Variants in CASP4 observed in about 807,000 individuals in gnomAD.
CASP4 encodes caspase 4.
In CASP4, 29 loss-of-function variants were observed where a neutral mutation model predicts 41.3. The ratio of observed to expected loss-of-function variants is 0.70; its 90% CI spans 0.52 to 0.96. The LOEUF (loss-of-function observed/expected upper bound fraction) is 0.96, where lower values mean the gene tolerates loss of function less well. Ranked by LOEUF, CASP4 falls within the 40% of genes least tolerant of loss-of-function variation. CASP4 has a pLI of 0.00. For synonymous variants in CASP4, 185 were observed against 158.4 expected (o/e 1.17, Z -1.26); for missense variants, 447 against 460.6 (o/e 0.97, Z 0.27).
chr11:104,952,075 G>A lies in CASP4; in HGVS notation c.263-70C>T, dbSNP rs925064677. 18 of 898,254 alleles carry A rather than the reference G, an allele frequency of 2.0e-5. No individual in the cohort carries two copies. In the East Asian group the frequency reaches 2.4e-4, roughly 12 times the overall value. 55.6% of individuals were successfully genotyped at this position (898,254 alleles called of 1,614,324 possible). On this transcript the variant is annotated intron_variant, in intron 2 of 8. Coordinates refer to ENST00000444739, the MANE Select transcript of CASP4 (RefSeq NM_001225.4). ...ACCCAATTTATCACCTAAGAAGATC[G>A]AGAGAGAAGACGTCCTGGGAAGATT...
Position 104,954,889 on chromosome 11 carries a change from C to G in CASP4, c.120G>C (p.Glu40Asp). The G allele has an allele frequency of 6.2e-7, 1 of 1,613,732 alleles. No individual in the cohort carries two copies. The highest frequency in any genetic ancestry group is 1.7e-5 in the Admixed American group (1 of 59,938). Residue 40 changes from glutamate (E) to aspartate (D), a missense_variant, in exon 2 of 9, where the codon GAG (glutamate) becomes GAC (aspartate). Transcript: ENST00000444739. ...VEQNVLNWKE[E>D]EKKKYYDAKT... ...TAGCATCGTAATATTTCTTTTTTTC[C>G]TCTTCCTTCCAGTTCAGTACATTTT...
chr11:104,954,648 A>G, intron 2 of CASP4, 99 bp downstream of exon 2: 3 of 1,083,964 alleles, frequency 2.8e-6, no homozygotes, highest in Non-Finnish European at 4.1e-6. Context: ...TAGTTTAGGA[A>G]GGGAAAGATA....
intron 1 of CASP4, among the ~76,000 whole-genome samples, chr11:104,963,701 A>G (rs750841610): frequency 6.6e-6 from 1 of 152,198 alleles, no homozygotes; most frequent in Non-Finnish European, 1.5e-5. Context: ...TGAGACTTCC[A>G]TGGGGGATGG....
intron 2 of CASP4, among the ~76,000 whole-genome samples, chr11:104,953,044 T>C (rs1860653305): frequency 6.6e-6 from 1 of 152,170 alleles, no homozygotes; most frequent in South Asian, 2.1e-4. Context: ...CTAATGATCA[T>C]TATGTGTGTG....
chr11:104,951,755 T>C (rs369430708), intron 3 of CASP4, 141 bp downstream of exon 3: 2 of 695,766 alleles, frequency 2.9e-6, no homozygotes, highest in Middle Eastern at 2.3e-4. Context: ...AGTCACATAA[T>C]CTTTCCCTTA....
At chr11:104,954,651 G>A in intron 2 of CASP4, 96 bp downstream of exon 2, 5 of 1,123,726 alleles carry the variant, frequency 4.4e-6, no homozygotes, top group Non-Finnish European at 6.5e-6. Context: ...TTTAGGAAGG[G>A]AAAGATAGGG....
rs1041423399 is a variant in CASP4, at chr11:104,952,099, T to C, written c.263-94A>G. The C allele has an allele frequency of 3.8e-5, 28 of 730,100 alleles. No homozygotes were observed. The African/African-American group carries it at 4.7e-4, about 12-fold the overall frequency. The allele number at this position is 730,100 out of a possible 1,614,324, so 45.2% of individuals were successfully genotyped here. On this transcript the variant is annotated intron_variant, in intron 2 of 8. Transcript: ENST00000444739. The stretch of plus-strand genomic sequence containing the variant: ...CGAGAGAGAAGACGTCCTGGGAAGA[T>C]TTCTTCACATATAGGGGTTTTAGTT...
chr11:104,948,749 C>G (rs1478989998), intron 5 of CASP4, 73 bp from the exon 6 acceptor site: 3 of 1,396,774 alleles, frequency 2.1e-6, no homozygotes, highest in Non-Finnish European at 1.9e-6. Flanking sequence ...CCACCTTGTT[C>G]TTTTTGAATG....
intron 1 of CASP4, among the ~76,000 whole-genome samples, chr11:104,955,343 A>T (rs1860713783): frequency 1.3e-5 from 2 of 151,818 alleles, no homozygotes; most frequent in Admixed American, 1.3e-4. Flanking sequence ...AGTGATAATG[A>T]TCTGCCTAAA....
At chr11:104,944,292 C>G (rs1203426832) in intron 8 of CASP4, 1 of 160,748 alleles carries the variant, frequency 6.2e-6, no homozygotes, top group Non-Finnish European at 1.4e-5. Context: ...GAGTTAGCTC[C>G]TTTGTTTACT....
At chr11:104,959,266 A>G (rs1860806957) in intron 1 of CASP4, among the ~76,000 whole-genome samples, 1 of 152,192 alleles carries the variant, frequency 6.6e-6, no homozygotes, top group Non-Finnish European at 1.5e-5. Flanking sequence ...AAATGGAAGT[A>G]AATCCTATCG....
Position 104,951,067 on chromosome 11 carries a change from G to T in CASP4, c.404C>A (p.Thr135Lys), listed in dbSNP as rs1298950524. The change falls in exon 4 of 9, where the codon ACA becomes AAA. Residue 135 changes from threonine to lysine, a missense_variant. Transcript: ENST00000444739. ...IYPIKERNNR[T>K]RLALIICNTE... ...ATTGCATATGATGAGAGCCAGGCGT[G>T]TGCGGTTGTTTCTCTCCTTTATTGG... 1.2e-6 allele frequency: 2 copies of T among 1,613,076 alleles called. No homozygotes were observed. The highest frequency in any genetic ancestry group is 2.7e-5 in the African/African-American group (2 of 74,828).
In CASP4 at chr11:104,949,608, T is replaced by C; in HGVS notation, c.716A>G (p.Asn239Ser). 1 of 1,613,922 alleles carries C rather than the reference T, an allele frequency of 6.2e-7. No individual in the cohort carries two copies. ...CTTCAGACTGAGGCAGTTGCGGTTG[T>C]TGAATATCTGGAAGATGGTGTCATA... ...LLYDTIFQIF[N>S]NRNCLSLKDK... is the part of the protein sequence containing the mutation. Residue 239 changes from asparagine to serine, a missense_variant, in exon 5 of 9, where the codon AAC (asparagine) becomes AGC (serine). Physicochemically the swap from Asn to Ser is conservative, Grantham distance 46 (BLOSUM62 1). Coordinates refer to ENST00000444739, the MANE Select transcript of CASP4 (RefSeq NM_001225.4).
chr11:104,949,730 C>A lies in CASP4; in HGVS notation c.594G>T (p.Lys198Asn), dbSNP rs1346937803. The A allele has an allele frequency of 6.2e-7, 1 of 1,613,912 alleles. No individual in the cohort carries two copies. Among genetic ancestry groups the A allele is most frequent in the South Asian group, 1.1e-5 (1 of 91,084 alleles). Residue 198 changes from lysine (K) to asparagine (N), a missense_variant, in exon 5 of 9, where the codon AAG (lysine) becomes AAT (asparagine). Physicochemically the swap from Lys to Asn is moderately conservative, Grantham distance 94. Transcript: ENST00000444739. ...LRAFATRPEH[K>N]SSDSTFLVLM... is the part of the protein sequence containing the mutation. ...GTACCAAGAATGTGCTGTCAGAGGA[C>A]TTGTGCTCTGGTCTGGTAGCAAATG...
intron 3 of CASP4, 61 bp from the exon 4 acceptor site, chr11:104,951,159 G>T: frequency 1.4e-6 from 2 of 1,466,738 alleles, no homozygotes; most frequent in Non-Finnish European, 1.9e-6. Context: ...GCCTCCTTAT[G>T]CCTATCAGTG....
chr11:104,952,035 A>T (rs1222250029), intron 2 of CASP4, 30 bp from the exon 3 acceptor site: 2 of 1,410,096 alleles, frequency 1.4e-6, no homozygotes, highest in East Asian at 4.6e-5. Flanking sequence ...ATAAATTGTG[A>T]TTTCTGCCTC....
chr11:104,942,994 A>G (rs1014773201), intron 8 of CASP4, 21 bp from the exon 9 acceptor site: 6 of 454,440 alleles, frequency 1.3e-5, no homozygotes, highest in African/African-American at 1.2e-4. Context: ...GAGAAAAAAC[A>G]GAAGGTCAAG....
At chr11:104,944,503 C>T in intron 8 of CASP4, 1 of 421,874 alleles carries the variant, frequency 2.4e-6, no homozygotes, top group Non-Finnish European at 4.3e-6. Flanking sequence ...GGTTTTTCAT[C>T]ATCACATTCT....
At chr11:104,949,833 T>G in intron 4 of CASP4, 56 bp from the exon 5 acceptor site, 1 of 1,535,788 alleles carries the variant, frequency 6.5e-7, no homozygotes. Flanking sequence ...TAAAGGGGAC[T>G]CCTAGATTTA....
Sources: allele counts gnomAD v4.1 joint callset (sites outside exome capture counted in the v4.1 genomes callset), GRCh38; gene constraint gnomAD v4.1.1; transcripts MANE v1.5; gene names NCBI Gene and HGNC (gene_info 2026-07-23, HGNC 2026-07-21).